The following GADL1 variants were observed in gnomAD, a reference collection of about 807,000 sequenced individuals.
The protein encoded by GADL1 is acidic amino acid decarboxylase GADL1.
In GADL1, 71 loss-of-function variants were observed where a neutral mutation model predicts 69.5. The ratio of observed to expected loss-of-function variants is 1.02; its 90% confidence interval spans 0.84 to 1.25. The LOEUF is 1.25. Among genes scored for constraint, GADL1 ranks in the 50% most tolerant of loss-of-function variants. The probability of loss-of-function intolerance (pLI) is 0.00; values close to 1 mark genes in which losing one functional copy is unlikely to be tolerated. For synonymous variants in GADL1, 254 were observed against 214.4 expected (o/e 1.18, Z -1.62); for missense variants, 737 against 631.8 (o/e 1.17, Z -1.79).
At position 30,738,887 on chromosome 3, in the gene GADL1, G is replaced by A. The variant is rs568183829; in HGVS notation, c.1393-10472C>T. ...TGAAAATTATGATTCATTTTCTCAC[G>A]GGTTTTCTCAGGGCAACTTTCTCTG... On this transcript the variant is annotated intron_variant, in intron 14 of 14. Coordinates refer to ENST00000282538, the MANE Select transcript of GADL1 (RefSeq NM_207359.3). Among the ~76,000 whole-genome samples, 4 of 152,198 alleles carry A rather than the reference G, an allele frequency of 2.6e-5. No homozygotes were observed. The South Asian group carries it at 8.3e-4, about 32-fold the overall frequency.
chr3:30,766,343 C>T (rs1216066324), intron 14 of GADL1, among the ~76,000 whole-genome samples: 2 of 152,182 alleles, frequency 1.3e-5, no homozygotes, highest in African/African-American at 2.4e-5. Flanking sequence ...AGCACAGTCA[C>T]ACAAGCTCCT....
chr3:30,868,563 T>C (rs1232933390), intron 1 of GADL1, among the ~76,000 whole-genome samples: 1 of 150,842 alleles, frequency 6.6e-6, no homozygotes, highest in Non-Finnish European at 1.5e-5. Flanking sequence ...CTATGAGTCA[T>C]TGAAAGGGTC....
intron 1 of GADL1, among the ~76,000 whole-genome samples, chr3:30,885,389 T>C (rs1408376538): frequency 6.6e-6 from 1 of 152,074 alleles, no homozygotes; most frequent in Non-Finnish European, 1.5e-5. Flanking sequence ...TTCATGCCTG[T>C]ATAAGATGAT....
chr3:30,853,120 T>C (rs1244062622), intron 4 of GADL1, among the ~76,000 whole-genome samples: 3 of 152,268 alleles, frequency 2.0e-5, no homozygotes, highest in East Asian at 3.9e-4. Flanking sequence ...CATTGTAAGC[T>C]GACCCTGTTC....
chr3:30,729,489 T>C (rs907257082), intron 14 of GADL1, among the ~76,000 whole-genome samples: 2 of 151,852 alleles, frequency 1.3e-5, no homozygotes, highest in African/African-American at 4.8e-5. Context: ...AAGGGAGGAG[T>C]ACATATAGAA....
At chr3:30,850,978 A>G (rs1421461243) in intron 4 of GADL1, 37 bp from the exon 5 acceptor site, 5 of 1,232,884 alleles carry the variant, frequency 4.1e-6, no homozygotes, top group South Asian at 4.0e-5. Context: ...TTCTATGACT[A>G]GAGTCAAAAC....
intron 14 of GADL1, among the ~76,000 whole-genome samples, chr3:30,771,395 G>A: frequency 6.6e-6 from 1 of 152,158 alleles, no homozygotes; most frequent in East Asian, 1.9e-4. Flanking sequence ...GGTTTTAATG[G>A]TTTGGGGAAA....
intron 14 of GADL1, among the ~76,000 whole-genome samples, chr3:30,776,284 C>T (rs747090980): frequency 4.6e-5 from 7 of 152,112 alleles, no homozygotes; most frequent in Non-Finnish European, 7.4e-5. Flanking sequence ...AATGGTGACC[C>T]TATCTTTCTC....
rs66709845 is a variant in GADL1 at position 30,785,384 on chromosome 3, T to TTTTAC, written c.1302+970_1302+971insGTAAA. The stretch of plus-strand genomic sequence containing the variant: ...CCAAAAAAGCTAGATTTCTTTTTCT[T>TTTTAC]TTTTTTTTTTTCCCCCCGAGACAGA... On this transcript the variant is annotated intron_variant, in intron 13 of 14. Transcript: ENST00000282538. Among the ~76,000 whole-genome samples, 2,556 of 115,312 alleles carry TTTTAC rather than the reference T, an allele frequency of 0.022. 288 individuals carry two copies. The East Asian group carries it at 0.34, about 15-fold the overall frequency. 75.6% of individuals were successfully genotyped at this position (115,312 alleles called of 152,430 possible).
At chr3:30,844,291 A>G (rs750418908) in intron 7 of GADL1, 27 bp from the exon 8 acceptor site, 4 of 1,596,598 alleles carry the variant, frequency 2.5e-6, no homozygotes, top group East Asian at 4.5e-5. Flanking sequence ...TGAGACTTTC[A>G]GTTATGTTTA....
Position 30,830,209 on chromosome 3 carries a change from T to C in GADL1, c.1050+3644A>G, listed in dbSNP as rs1013914976. Among the ~76,000 whole-genome samples the C allele has an allele frequency of 2.0e-5, 3 of 151,852 alleles. 1 individual carries two copies. The highest frequency in any genetic ancestry group is 4.8e-5 in the African/African-American group (2 of 41,374). On this transcript the variant is annotated intron_variant, in intron 11 of 14. Transcript: ENST00000282538. The stretch of plus-strand genomic sequence containing the variant: ...ACCTCATTCTGGAGGGGTCCTACCC[T>C]ATGCCTGGAAGTCGAGAAGACTGGA...
intron 6 of GADL1, among the ~76,000 whole-genome samples, chr3:30,844,970 CTA>C (rs1372663939): frequency 3.4e-4 from 52 of 152,100 alleles, no homozygotes; most frequent in African/African-American, 1.2e-3. Flanking sequence ...TTGAAACCCT[CTA>C]AGGAGAGGGC....
intron 11 of GADL1, among the ~76,000 whole-genome samples, chr3:30,805,091 A>G (rs1239788631): frequency 1.3e-5 from 2 of 152,204 alleles, no homozygotes; most frequent in African/African-American, 4.8e-5. Flanking sequence ...CATAATAATG[A>G]CCAGAGCTAA....
chr3:30,859,802 T>G (rs1378621097), intron 2 of GADL1, among the ~76,000 whole-genome samples: 2 of 151,908 alleles, frequency 1.3e-5, no homozygotes, highest in African/African-American at 4.8e-5. Flanking sequence ...TAGGCTAAGT[T>G]AGTGGTATCA....
intron 14 of GADL1, among the ~76,000 whole-genome samples, chr3:30,735,680 G>C (rs1488026033): frequency 6.6e-6 from 1 of 152,166 alleles, no homozygotes; most frequent in Non-Finnish European, 1.5e-5. Flanking sequence ...ATTTTGGTGA[G>C]TGATGAACAC....
chr3:30,781,428 CAAA>C (rs1696662979), intron 13 of GADL1, among the ~76,000 whole-genome samples: 1 of 152,082 alleles, frequency 6.6e-6, no homozygotes, highest in Admixed American at 6.5e-5. Context: ...TAATAGGTAA[CAAA>C]AGCTAAAGCT....
chr3:30,819,016 G>A (rs1056512304), intron 11 of GADL1, among the ~76,000 whole-genome samples: 1 of 152,022 alleles, frequency 6.6e-6, no homozygotes, highest in Non-Finnish European at 1.5e-5. Context: ...AGGAACACAG[G>A]GGGCTATCCC....
chr3:30,807,747 G>T (rs996324290), intron 11 of GADL1, among the ~76,000 whole-genome samples: 2 of 152,106 alleles, frequency 1.3e-5, no homozygotes, highest in Non-Finnish European at 2.9e-5. Context: ...GTGAATGTGC[G>T]GCCGGGTGCA....
intron 1 of GADL1, among the ~76,000 whole-genome samples, chr3:30,867,434 A>G (rs1443214206): frequency 1.4e-5 from 2 of 145,222 alleles, no homozygotes; most frequent in East Asian, 2.0e-4. Flanking sequence ...ATATATATAT[A>G]TATATACACA....
Sources: gnomAD v4.1 joint callset for allele counts (sites outside exome capture counted in the v4.1 genomes callset) on GRCh38, gnomAD v4.1.1 for gene constraint, MANE v1.5 for transcripts, NCBI Gene and HGNC (gene_info 2026-07-23, HGNC 2026-07-21) for gene names.